MYT1L: variants seen among roughly 807,000 people sequenced by gnomAD.
MYT1L encodes the protein myelin transcription factor 1 like, also known as myelin transcription factor 1-like protein.
In MYT1L, 12 loss-of-function variants were observed where a neutral mutation model predicts 126.7. That is an observed-to-expected ratio of 0.09 (90% CI 0.06 to 0.15). The LOEUF (loss-of-function observed/expected upper bound fraction) is 0.15. MYT1L is among the 10% of genes least tolerant of loss of function. The pLI, the probability that MYT1L is intolerant of heterozygous loss-of-function variation, is 1.00. For synonymous variants in MYT1L, 541 were observed against 604.2 expected (o/e 0.90, Z 1.53); for missense variants, 979 against 1,585.2 (o/e 0.62, Z 6.49).
chr2:2,081,731 ATATTTATT>A (rs567922066), intron 3 of MYT1L, among the ~76,000 whole-genome samples: 3 of 151,770 alleles, frequency 2.0e-5, no homozygotes, highest in South Asian at 2.1e-4. Context: ...TTATTTATTT[ATATTTATT>A]TATTTATTTA....
In MYT1L at chr2:2,097,748, A is replaced by G. The variant is rs116720760; in HGVS notation, c.-303-43625T>C. ...TCATGGTTGCCGGTACTCATCGGGT[A>G]TATGATGAGTCATCAGTGCTCATCG... is the stretch of plus-strand genomic sequence containing the variant. On this transcript the variant is annotated intron_variant, in intron 3 of 24. Coordinates refer to ENST00000647738, the MANE Select transcript of MYT1L (RefSeq NM_001303052.2). 5.3e-3 allele frequency among the ~76,000 whole-genome samples: 806 copies of G among 152,258 alleles called. 6 individuals are homozygous for G. Among genetic ancestry groups the G allele is most frequent in the African/African-American group, 0.018 (756 of 41,552 alleles).
intron 3 of MYT1L, among the ~76,000 whole-genome samples, chr2:2,165,874 T>C (rs61443929): frequency 1.1e-5 from 1 of 87,870 alleles, no homozygotes; most frequent in Admixed American, 8.9e-5. Flanking sequence ...ACTTTGTAAA[T>C]AATAAAATCT....
chr2:2,003,702 G>T (rs576768843), intron 4 of MYT1L, among the ~76,000 whole-genome samples: 1 of 152,194 alleles, frequency 6.6e-6, no homozygotes, highest in Non-Finnish European at 1.5e-5. Flanking sequence ...CTGGTGTGGG[G>T]CCCATGGGTG....
chr2:1,863,841 G>A (rs897736564), intron 18 of MYT1L, among the ~76,000 whole-genome samples: 5 of 152,200 alleles, frequency 3.3e-5, no homozygotes, highest in African/African-American at 4.8e-5. Flanking sequence ...ATGTTATAAG[G>A]CAGAAAGAAA....
intron 2 of MYT1L, among the ~76,000 whole-genome samples, chr2:2,203,863 C>T (rs1353386038): frequency 6.6e-6 from 1 of 152,178 alleles, no homozygotes; most frequent in Non-Finnish European, 1.5e-5. Flanking sequence ...TCAAACTATA[C>T]TACAAGGCTA....
chr2:1,968,846 GAT>G (rs1183510095), intron 8 of MYT1L, among the ~76,000 whole-genome samples: 1 of 152,202 alleles, frequency 6.6e-6, no homozygotes, highest in Non-Finnish European at 1.5e-5. Context: ...GTCCACTGGG[GAT>G]ATGTGGATGG....
At chr2:1,996,698 T>C (rs2061892286) in intron 5 of MYT1L, among the ~76,000 whole-genome samples, 1 of 128,436 alleles carries the variant, frequency 7.8e-6, no homozygotes, top group Non-Finnish European at 1.6e-5. Context: ...GAACCGAGTG[T>C]AGATGGGCCG....
At chr2:2,218,172 A>T (rs975367640) in intron 2 of MYT1L, among the ~76,000 whole-genome samples, 1 of 152,210 alleles carries the variant, frequency 6.6e-6, no homozygotes, top group Non-Finnish European at 1.5e-5. Flanking sequence ...TTATAAAAGT[A>T]AGCTTACTCC....
chr2:1,843,376 A>AGAG (rs1347096180), intron 19 of MYT1L, among the ~76,000 whole-genome samples: 1 of 152,214 alleles, frequency 6.6e-6, no homozygotes, highest in Non-Finnish European at 1.5e-5. Flanking sequence ...AATGAAGAAA[A>AGAG]GAGGAACCAA....
chr2:2,025,801 C>T (rs1424978557), intron 4 of MYT1L, among the ~76,000 whole-genome samples: 2 of 152,198 alleles, frequency 1.3e-5, no homozygotes, highest in Admixed American at 6.5e-5. Context: ...ACCCCCAGCT[C>T]CCAAACCTGC....
At chr2:2,152,995 C>T (rs962470139) in intron 3 of MYT1L, among the ~76,000 whole-genome samples, 4 of 152,124 alleles carry the variant, frequency 2.6e-5, no homozygotes, top group Admixed American at 6.6e-5. Flanking sequence ...ATTGATGCCA[C>T]TGAGCTAAAA....
rs538333834 is a variant in MYT1L at position 2,160,606 on chromosome 2, A to G, written c.-304+12266T>C. Among the ~76,000 whole-genome samples the G allele has an allele frequency of 4.6e-5, 7 of 152,312 alleles. No homozygotes were observed. In the South Asian group the frequency reaches 1.4e-3, roughly 32 times the overall value. On this transcript the variant is annotated intron_variant, in intron 3 of 24. Coordinates refer to ENST00000647738, the MANE Select transcript of MYT1L (RefSeq NM_001303052.2). Reference sequence around the variant, plus strand: ...CCTGTGCTGCCAACTGTAAGGCTACAGAATGGGAGGCAACCAGACATTGCA... The same window carrying G: ...CCTGTGCTGCCAACTGTAAGGCTACGGAATGGGAGGCAACCAGACATTGCA...
intron 2 of MYT1L, among the ~76,000 whole-genome samples, chr2:2,268,835 G>A (rs2095198049): frequency 6.6e-6 from 1 of 152,118 alleles, no homozygotes; most frequent in Non-Finnish European, 1.5e-5. Flanking sequence ...AACTCATTTA[G>A]TTATTAGCCT....
intron 4 of MYT1L, among the ~76,000 whole-genome samples, chr2:2,007,630 A>T: frequency 6.6e-6 from 1 of 151,440 alleles, no homozygotes; most frequent in East Asian, 1.9e-4. Flanking sequence ...ATTTCAGCTT[A>T]TTTTTTTTTC....
At chr2:2,041,373 C>G (rs1233316800) in intron 4 of MYT1L, among the ~76,000 whole-genome samples, 1 of 152,208 alleles carries the variant, frequency 6.6e-6, no homozygotes, top group Non-Finnish European at 1.5e-5. Flanking sequence ...TGGGAAGCTA[C>G]TGGGGGAGAG....
intron 9 of MYT1L, among the ~76,000 whole-genome samples, chr2:1,931,165 G>A (rs1329618112): frequency 2.0e-5 from 3 of 152,176 alleles, no homozygotes; most frequent in African/African-American, 7.2e-5. Context: ...CGGCCTGGGG[G>A]AAATCTCCCC....
At chr2:2,123,523 T>C (rs2147924485) in intron 3 of MYT1L, among the ~76,000 whole-genome samples, 1 of 152,276 alleles carries the variant, frequency 6.6e-6, no homozygotes, top group Non-Finnish European at 1.5e-5. Context: ...CACTGAGTTC[T>C]CGCAAGACCT....
chr2:1,801,665 AG>A lies in MYT1L; in HGVS notation c.3276+30del. On this transcript the variant is annotated intron_variant, in intron 23 of 24. Coordinates refer to ENST00000647738, the MANE Select transcript of MYT1L (RefSeq NM_001303052.2). The surrounding 1 kb of genome is among the most constrained non-coding windows in gnomAD (Gnocchi z 4.2). ...TCTCTGGTATAATGGCGCGTGTTAG[AG>A]CTAAAATTGAGGGCTTCAAAAACTG... 1 of 1,390,650 alleles carries A rather than the reference AG, an allele frequency of 7.2e-7. No homozygotes were observed. Among genetic ancestry groups the A allele is most frequent in the Non-Finnish European group, 1.0e-6 (1 of 984,428 alleles). The allele number at this position is 1,390,650 out of a possible 1,614,324, so 86.1% of individuals were successfully genotyped here.
intron 2 of MYT1L, among the ~76,000 whole-genome samples, chr2:2,249,232 A>G (rs936048938): frequency 2.0e-5 from 3 of 152,054 alleles, no homozygotes; most frequent in African/African-American, 7.2e-5. Context: ...ATGCTAAACA[A>G]TCCAAAAAAG....
Sources: gnomAD v4.1 joint callset for allele counts (sites outside exome capture counted in the v4.1 genomes callset) on GRCh38, gnomAD v4.1.1 for gene constraint, Gnocchi (gnomAD v3.1) non-coding constraint, MANE v1.5 for transcripts, NCBI Gene and HGNC (gene_info 2026-07-23, HGNC 2026-07-21) for gene names.